Variants in ZNF483 observed in about 807,000 individuals in gnomAD.
ZNF483 encodes zinc finger protein 483, also known as zinc finger protein HIT-10.
ZNF483 carries 9 observed loss-of-function variants against 28.6 expected under a neutral mutation model. That is an observed-to-expected ratio of 0.32 (90% CI 0.19 to 0.55). The LOEUF (loss-of-function observed/expected upper bound fraction) is 0.55. Ranked by LOEUF, ZNF483 falls within the 20% of genes least tolerant of loss-of-function variation. The pLI is 0.93. For missense variants in ZNF483, 675 were observed against 871.7 expected (o/e 0.77, Z 2.84); for synonymous variants, 322 against 306.2 (o/e 1.05, Z -0.54).
chr9:111,526,136 A>G (rs911665344), intron 1 of ZNF483, among the ~76,000 whole-genome samples: 39 of 152,222 alleles, frequency 2.6e-4, no homozygotes, highest in African/African-American at 9.4e-4. Flanking sequence ...GATCAAGCAG[A>G]GCATCACACC....
At position 111,541,397 on chromosome 9, in the gene ZNF483, T is replaced by TC. The variant is rs1415238184; in HGVS notation, c.722-260_722-259insC. On this transcript the variant is annotated intron_variant, in intron 5 of 5. Coordinates refer to ENST00000309235, the MANE Select transcript of ZNF483 (RefSeq NM_133464.5). The stretch of plus-strand genomic sequence containing the variant: ...AGCCACCGTGCCCATCCTAAACCTC[T>TC]TAAAAAAATTCAAAATGAGGGTGAG... Among the ~76,000 whole-genome samples, 4 of 148,294 alleles carry TC rather than the reference T, an allele frequency of 2.7e-5. No homozygotes were observed. The East Asian group carries it at 7.7e-4, about 29-fold the overall frequency.
Position 111,542,569 on chromosome 9 carries a change from A to G in ZNF483, c.1634A>G (p.His545Arg), listed in dbSNP as rs762302085. The G allele has an allele frequency of 6.2e-7, 1 of 1,614,172 alleles. No individual in the cohort carries two copies. Among genetic ancestry groups the G allele is most frequent in the Non-Finnish European group, 8.5e-7 (1 of 1,180,020 alleles). The change falls in exon 6 of 6, where the codon CAT becomes CGT. Residue 545 changes from histidine to arginine, a missense_variant. By Grantham distance (29) the His-to-Arg change is conservative (BLOSUM62 0). Transcript: ENST00000309235. The surrounding 1 kb of genome is among the most constrained non-coding windows in gnomAD (Gnocchi z 6.2). Reference sequence around the variant, plus strand: ...TCTCTTATTCAACATCAGCGAATTCATACTGGAGAAAAACCCTATACATGT... The same window carrying G: ...TCTCTTATTCAACATCAGCGAATTCGTACTGGAGAAAAACCCTATACATGT... The part of the protein sequence containing the change: ...SSSLIQHQRI[H>R]TGEKPYTCSN...
At chr9:111,570,614 TA>T (rs75586959) in intron 5 of ZNF483, among the ~76,000 whole-genome samples, 601 of 138,580 alleles carry the variant, frequency 4.3e-3, no homozygotes, top group Non-Finnish European at 4.4e-3. Flanking sequence ...TTCTAAAAAT[TA>T]AAAAAAAAAA....
intron 5 of ZNF483, among the ~76,000 whole-genome samples, chr9:111,566,028 A>G (rs1266167377): frequency 3.3e-5 from 5 of 151,976 alleles, no homozygotes; most frequent in Non-Finnish European, 7.4e-5. Context: ...CCTGGCCAAC[A>G]TCGTGAAACC....
rs1387359339 is a variant in ZNF483 at position 111,548,434 on chromosome 9, A to G, written c.*5264A>G. Among the ~76,000 whole-genome samples, 1 of 152,218 alleles carries G rather than the reference A, an allele frequency of 6.6e-6. No individual in the cohort carries two copies. Among genetic ancestry groups the G allele is most frequent in the Non-Finnish European group, 1.5e-5 (1 of 68,026 alleles). On this transcript the variant is annotated 3_prime_UTR_variant, in exon 6 of 6. Transcript: ENST00000309235. ...GTAAATGGGTCTTTGTTAGTGAAGC[A>G]TAACTGAGTTTTGAGTGTTGATTTT...
At chr9:111,565,773 C>A (rs1828535334) in intron 5 of ZNF483, among the ~76,000 whole-genome samples, 1 of 152,092 alleles carries the variant, frequency 6.6e-6, no homozygotes, top group Admixed American at 6.6e-5. Flanking sequence ...AGTCCTCCTG[C>A]CTCACCCTCC....
chr9:111,564,277 TTTATTA>T (rs3031175), intron 5 of ZNF483: 30,417 of 484,826 alleles, frequency 0.063, 1,042 homozygotes, highest in East Asian at 0.14. Context: ...AATTTAAACT[TTTATTA>T]TTATTATTAT....
rs1488129297 is a variant in ZNF483 at position 111,530,893 on chromosome 9, C to G, written c.431C>G (p.Ser144Cys). ...LEEKDPVSQD[S>C]TVSQEENSKE... is the part of the protein sequence containing the mutation. ...TTCCTAGATCCAGTCTCTCAAGATT[C>G]TACTGTTTCCCAAGAGGAGAACTCA... Residue 144 changes from serine to cysteine, a missense_variant, in exon 3 of 6, where the codon TCT becomes TGT. By Grantham distance (112) the Ser-to-Cys change is moderately radical (BLOSUM62 -1). Transcript: ENST00000309235. 2.6e-6 allele frequency: 4 copies of G among 1,514,388 alleles called. No individual in the cohort carries two copies. Among genetic ancestry groups the G allele is most frequent in the African/African-American group, 1.4e-5 (1 of 71,914 alleles). 93.8% of individuals were successfully genotyped at this position (1,514,388 alleles called of 1,614,324 possible). A position where few individuals can be genotyped will look rare whatever the true frequency, so the allele number is the denominator to read the frequency against.
Position 111,544,987 on chromosome 9 carries a change from G to A in ZNF483, c.*1817G>A, listed in dbSNP as rs1029168334. Among the ~76,000 whole-genome samples, 2 of 152,106 alleles carry A rather than the reference G, an allele frequency of 1.3e-5. No individual in the cohort carries two copies. Among genetic ancestry groups the A allele is most frequent in the Non-Finnish European group, 2.9e-5 (2 of 68,010 alleles). ...AACTCTTCACTTATGGAAGTAAAGCGATCCTTAATGCTAATCTTAGACTCA... is the reference window on the plus strand; with the variant it reads ...AACTCTTCACTTATGGAAGTAAAGCAATCCTTAATGCTAATCTTAGACTCA... On this transcript the variant is annotated 3_prime_UTR_variant, in exon 6 of 6. Transcript: ENST00000309235.
rs1827743350 is a variant in ZNF483, at chr9:111,544,053, A to G, written c.*883A>G. ...CGACTTTTCCTTGAGGGAGTATTTTAATCGGACAAGGGAACTCTTTTTCTT... is the reference window on the plus strand; with the variant it reads ...CGACTTTTCCTTGAGGGAGTATTTTGATCGGACAAGGGAACTCTTTTTCTT... On this transcript the variant is annotated 3_prime_UTR_variant, in exon 6 of 6. Transcript: ENST00000309235. The G allele has an allele frequency of 2.0e-6, 2 of 985,454 alleles. No individual in the cohort carries two copies. Among genetic ancestry groups the G allele is most frequent in the Admixed American group, 1.2e-4 (2 of 16,274 alleles). The allele number at this position is 985,454 out of a possible 1,614,324, so 61.0% of individuals were successfully genotyped here.
Position 111,544,337 on chromosome 9 carries a change from GGTGTGTGTGCATGTGT to G in ZNF483, c.*1177_*1192del, listed in dbSNP as rs995512189. 76 of 972,018 alleles carry G rather than the reference GGTGTGTGTGCATGTGT, an allele frequency of 7.8e-5. No individual in the cohort carries two copies. The highest frequency in any genetic ancestry group is 1.4e-4 in the South Asian group (3 of 20,882). The allele number at this position is 972,018 out of a possible 1,614,324, so 60.2% of individuals were successfully genotyped here. A position where few individuals can be genotyped will look rare whatever the true frequency, so the allele number is the denominator to read the frequency against. ...AAAAGCTGTTATAACAATTTGCTTG[GGTGTGTGTGCATGTGT>G]GTGTGTGTGTGTGTGTGTGTATACA... On this transcript the variant is annotated 3_prime_UTR_variant, in exon 6 of 6. Transcript: ENST00000309235.
rs76381005 is a variant in ZNF483, at chr9:111,526,058, C to T, written c.-129+796C>T. Reference sequence around the variant, plus strand: ...GTCTCGTTCCAGCTCATTGTAGTTGCTCCGTCACTTATAGAATGAATGAAT... The same window carrying T: ...GTCTCGTTCCAGCTCATTGTAGTTGTTCCGTCACTTATAGAATGAATGAAT... On this transcript the variant is annotated intron_variant, in intron 1 of 5. Transcript: ENST00000309235. Among the ~76,000 whole-genome samples the T allele has an allele frequency of 8.7e-3, 1,317 of 152,210 alleles. 19 individuals are homozygous for T. The highest frequency in any genetic ancestry group is 0.03 in the African/African-American group (1,249 of 41,512).
At chr9:111,565,688 TA>T (rs1828530975) in intron 5 of ZNF483, among the ~76,000 whole-genome samples, 2 of 152,126 alleles carry the variant, frequency 1.3e-5, no homozygotes, top group South Asian at 4.2e-4. Context: ...TGCACCCAGC[TA>T]ATTTTTTAAC....
chr9:111,557,231 G>A (rs140991148), downstream of ZNF483, among the ~76,000 whole-genome samples: 6 of 151,888 alleles, frequency 4.0e-5, no homozygotes, highest in East Asian at 2.0e-4. Context: ...AAAATTAGCC[G>A]GGCATCATGG....
intron 5 of ZNF483, chr9:111,564,275 CTTTTAT>C (rs1020254538): frequency 1.4e-6 from 1 of 692,846 alleles, no homozygotes; most frequent in Non-Finnish European, 1.9e-6. Flanking sequence ...GAAATTTAAA[CTTTTAT>C]TATTATTATT....
chr9:111,561,139 GAGAGAGAGGGAGAGA>G lies in ZNF483; in HGVS notation c.722-15225_722-15211del, dbSNP rs1564608047. ...GAGAGAGAGAGAGAGAGAGAGAGAG[GAGAGAGAGGGAGAGA>G]GAGAGAGAGAGAGAGAGAGAGAGAA... On this transcript the variant is annotated intron_variant, in intron 5 of 5. Coordinates refer to the ZNF483 transcript ENST00000358151. 7.0e-3 allele frequency among the ~76,000 whole-genome samples: 109 copies of G among 15,556 alleles called. 8 individuals are homozygous for G. Among genetic ancestry groups the G allele is most frequent in the South Asian group, 0.014 (8 of 574 alleles). 10.2% of individuals were successfully genotyped at this position (15,556 alleles called of 152,430 possible). A position where few individuals can be genotyped will look rare whatever the true frequency, so the allele number is the denominator to read the frequency against.
At chr9:111,561,138 GGA>G (rs1402688269) in intron 5 of ZNF483, among the ~76,000 whole-genome samples, 2 of 20,090 alleles carry the variant, frequency 1.0e-4, no homozygotes, top group South Asian at 1.7e-3. Flanking sequence ...GAGAGAGAGA[GGA>G]GAGAGAGGGA....
chr9:111,527,155 C>T, intron 1 of ZNF483, 113 bp from the exon 2 acceptor site: 1 of 353,810 alleles, frequency 2.8e-6, no homozygotes, highest in Non-Finnish European at 5.1e-6. Context: ...CTTTTCTAGG[C>T]CTTTGCTGGT....
chr9:111,556,054 A>G (rs1828112283), downstream of ZNF483, among the ~76,000 whole-genome samples: 1 of 152,278 alleles, frequency 6.6e-6, no homozygotes, highest in Non-Finnish European at 1.5e-5. Flanking sequence ...GTTACTTCCA[A>G]GATAGAACAG....
Sources: gnomAD v4.1 joint callset for allele counts (sites outside exome capture counted in the v4.1 genomes callset) on GRCh38, gnomAD v4.1.1 for gene constraint, Gnocchi (gnomAD v3.1) non-coding constraint, MANE v1.5 for transcripts, NCBI Gene and HGNC (gene_info 2026-07-23, HGNC 2026-07-21) for gene names.